TSGA10: variants seen among roughly 807,000 people sequenced by gnomAD.
The protein encoded by TSGA10 is testis-specific gene 10 protein.
TSGA10 carries 43 observed loss-of-function variants against 96.6 expected under a neutral mutation model. The ratio of observed to expected loss-of-function variants is 0.44; its 90% CI spans 0.35 to 0.57. The LOEUF is 0.57. Ranked by LOEUF, TSGA10 falls within the 20% of genes least tolerant of loss-of-function variation. The probability of loss-of-function intolerance (pLI) is 0.01; values close to 1 mark genes in which losing one functional copy is unlikely to be tolerated. For synonymous variants in TSGA10, 229 were observed against 269.9 expected (o/e 0.85, Z 1.48); for missense variants, 703 against 834.4 (o/e 0.84, Z 1.94).
At chr2:99,052,454 G>A (rs1282991194) in intron 16 of TSGA10, among the ~76,000 whole-genome samples, 1 of 152,062 alleles carries the variant, frequency 6.6e-6, no homozygotes, top group Non-Finnish European at 1.5e-5. Context: ...AAGCAAGTAA[G>A]GAGATTAAAT....
At chr2:99,003,582 T>A (rs532444199) in intron 20 of TSGA10, among the ~76,000 whole-genome samples, 40 of 152,226 alleles carry the variant, frequency 2.6e-4, no homozygotes, top group South Asian at 2.1e-3. Context: ...TGAAAGAACA[T>A]AAATTATAAC....
At chr2:99,010,574 C>T (rs981932479) in intron 20 of TSGA10, among the ~76,000 whole-genome samples, 1 of 152,220 alleles carries the variant, frequency 6.6e-6, no homozygotes, top group Non-Finnish European at 1.5e-5. Context: ...GCAGGAAGTG[C>T]CTTGCACACA....
intron 11 of TSGA10, among the ~76,000 whole-genome samples, chr2:99,080,316 C>T (rs891884441): frequency 1.3e-5 from 2 of 152,112 alleles, no homozygotes; most frequent in Non-Finnish European, 2.9e-5. Flanking sequence ...TGATCATATC[C>T]TCCCCTTTTA....
In TSGA10 at chr2:99,007,040, T is replaced by A. The variant is rs888790625; in HGVS notation, c.2073-8819A>T. 2.0e-4 allele frequency among the ~76,000 whole-genome samples: 31 copies of A among 151,290 alleles called. 1 individual carries two copies. Among genetic ancestry groups the A allele is most frequent in the Admixed American group, 1.6e-3 (24 of 15,120 alleles). On this transcript the variant is annotated intron_variant, in intron 20 of 20. Coordinates refer to ENST00000393483, the MANE Select transcript of TSGA10 (RefSeq NM_025244.4). ...CATCATTCTGAGCAAACTATCACAA[T>A]GACAGAAAACCAAACACCGCATGTT...
At chr2:99,022,053 T>C (rs1199138293) in intron 17 of TSGA10, among the ~76,000 whole-genome samples, 1 of 152,090 alleles carries the variant, frequency 6.6e-6, no homozygotes, top group Non-Finnish European at 1.5e-5. Flanking sequence ...AGGTTGGGCA[T>C]GGTGGCTAAC....
chr2:99,115,897 C>G (rs6743355), intron 4 of TSGA10, among the ~76,000 whole-genome samples: 89,826 of 151,858 alleles, frequency 0.59, 27,493 homozygotes, highest in East Asian at 0.88. Context: ...CAAAAAAGTT[C>G]TATTATTTGA....
At chr2:99,120,255 T>C (rs1011107608) in intron 2 of TSGA10, among the ~76,000 whole-genome samples, 3 of 152,134 alleles carry the variant, frequency 2.0e-5, no homozygotes, top group Non-Finnish European at 4.4e-5. Context: ...AAATGAACAC[T>C]CCCCTCCCTT....
At chr2:99,123,411 A>AT (rs2092679755) in intron 2 of TSGA10, among the ~76,000 whole-genome samples, 1 of 152,194 alleles carries the variant, frequency 6.6e-6, no homozygotes, top group East Asian at 1.9e-4. Context: ...TCTGATGTTC[A>AT]CATTAGGTAA....
intron 17 of TSGA10, 38 bp from the exon 18 acceptor site, chr2:99,020,520 T>C: frequency 6.9e-7 from 1 of 1,441,532 alleles, no homozygotes; most frequent in Non-Finnish European, 9.7e-7. Flanking sequence ...CTTATTCCCA[T>C]TAATTCACTT....
chr2:99,099,991 T>C (rs2104763883), intron 10 of TSGA10, among the ~76,000 whole-genome samples: 1 of 152,208 alleles, frequency 6.6e-6, no homozygotes, highest in African/African-American at 2.4e-5. Flanking sequence ...GTAAGACCTC[T>C]CTACACACAA....
chr2:99,064,868 T>C, intron 16 of TSGA10, 71 bp downstream of exon 16: 1 of 1,315,640 alleles, frequency 7.6e-7, no homozygotes. Context: ...ACATTTAATT[T>C]ATGGAAGGCC....
chr2:99,023,995 A>T (rs1324835564), intron 17 of TSGA10, among the ~76,000 whole-genome samples: 2 of 152,200 alleles, frequency 1.3e-5, no homozygotes, highest in African/African-American at 4.8e-5. Context: ...CTTAACAATG[A>T]TAAGTGTTCT....
intron 3 of TSGA10, 84 bp downstream of exon 3, chr2:99,118,467 A>AG (rs2092396655): frequency 3.9e-6 from 2 of 511,716 alleles, no homozygotes; most frequent in African/African-American, 4.1e-5. Flanking sequence ...AAAAAAAAAA[A>AG]AGTATATATA....
intron 20 of TSGA10, among the ~76,000 whole-genome samples, chr2:99,002,216 T>A (rs971035288): frequency 6.6e-6 from 1 of 151,932 alleles, no homozygotes; most frequent in African/African-American, 2.4e-5. Context: ...GAAGGGAAAA[T>A]ATTAAGGGCA....
chr2:99,102,967 A>T (rs1187923023), intron 10 of TSGA10, among the ~76,000 whole-genome samples: 1 of 152,080 alleles, frequency 6.6e-6, no homozygotes, highest in African/African-American at 2.4e-5. Context: ...ACTTTTTGTA[A>T]AATGTTCTGC....
At chr2:99,135,441 A>T (rs1182288596) in intron 1 of TSGA10, among the ~76,000 whole-genome samples, 1 of 152,252 alleles carries the variant, frequency 6.6e-6, no homozygotes, top group East Asian at 1.9e-4. Flanking sequence ...CTGCAGACAG[A>T]ATAGAACAGT....
chr2:99,068,976 T>A lies in TSGA10; in HGVS notation c.1130A>T (p.Asp377Val). The A allele has an allele frequency of 1.4e-6, 2 of 1,467,008 alleles. No individual in the cohort carries two copies. The highest frequency in any genetic ancestry group is 1.8e-6 in the Non-Finnish European group (2 of 1,114,546). 90.9% of individuals were successfully genotyped at this position (1,467,008 alleles called of 1,614,324 possible). The stretch of plus-strand genomic sequence containing the variant: ...TATGTCATTAAGTTCATTATGAGTG[T>A]CATTCAATTTTTTGGACAGTGCCTA... ...ENQALSKKLN[D>V]THNELNDIKQ... Residue 377 changes from aspartate to valine, a missense_variant, in exon 15 of 21, where the codon GAC (aspartate) becomes GTC (valine). Around this residue, in one of 3 missense-constraint regions of TSGA10, gnomAD observed 585 missense variants for 656.8 expected, o/e 0.89. Transcript: ENST00000393483.
At chr2:99,031,067 G>A (rs1394364318) in intron 17 of TSGA10, among the ~76,000 whole-genome samples, 1 of 151,508 alleles carries the variant, frequency 6.6e-6, no homozygotes, top group Admixed American at 6.6e-5. Flanking sequence ...TAAAGCAGAT[G>A]AACCTAAATT....
chr2:99,094,095 C>T (rs1169113512), intron 10 of TSGA10, among the ~76,000 whole-genome samples: 1 of 152,028 alleles, frequency 6.6e-6, no homozygotes, highest in Admixed American at 6.6e-5. Context: ...AGAAATAAGG[C>T]CAAATGCTTA....
Sources: gnomAD v4.1 joint callset for allele counts (sites outside exome capture counted in the v4.1 genomes callset) on GRCh38, gnomAD v4.1.1 for gene constraint, gnomAD v4.1.1 regional missense constraint, MANE v1.5 for transcripts, NCBI Gene and HGNC (gene_info 2026-07-23, HGNC 2026-07-21) for gene names.